The following SLC24A2 variants were observed in gnomAD, a reference collection of about 807,000 sequenced individuals.
SLC24A2 encodes the protein sodium/potassium/calcium exchanger 2.
In SLC24A2, 36 loss-of-function variants were observed where a neutral mutation model predicts 62.0. That is an observed-to-expected ratio of 0.58 (90% CI 0.44 to 0.77). The LOEUF is 0.77. Among genes scored for constraint, SLC24A2 ranks in the 30% least tolerant of loss-of-function variants. SLC24A2 has a pLI of 0.00. For synonymous variants in SLC24A2, 358 were observed against 294.0 expected, an observed-to-expected ratio of 1.22 and a Z score of -2.23; for missense variants, 846 against 817.9, an observed-to-expected ratio of 1.03 and a Z score of -0.42.
At chr9:19,526,266 G>T (rs573994247) in intron 9 of SLC24A2, among the ~76,000 whole-genome samples, 49 of 152,170 alleles carry the variant, frequency 3.2e-4, no homozygotes, top group African/African-American at 1.0e-3. Flanking sequence ...TGGACATTTG[G>T]GTTGTTTTCA....
chr9:19,543,960 G>A (rs369957264), intron 8 of SLC24A2, among the ~76,000 whole-genome samples: 20 of 152,184 alleles, frequency 1.3e-4, no homozygotes, highest in East Asian at 7.7e-4. Context: ...TTGTTCCAGC[G>A]CTGAGTTCAA....
At chr9:19,740,149 C>G (rs1391111973) in intron 2 of SLC24A2, among the ~76,000 whole-genome samples, 2 of 59,960 alleles carry the variant, frequency 3.3e-5, no homozygotes, top group Non-Finnish European at 6.4e-5. Flanking sequence ...ATAGTACAAC[C>G]ACTTTGAAAA....
the SLC24A2 span, among the ~76,000 whole-genome samples, chr9:19,955,534 T>C: frequency 1.3e-5 from 2 of 152,134 alleles, no homozygotes; most frequent in Non-Finnish European, 2.9e-5. Flanking sequence ...GCTACTTTTG[T>C]AGACAAGATA....
At chr9:19,698,247 T>C (rs1055514713) in intron 2 of SLC24A2, among the ~76,000 whole-genome samples, 17 of 152,164 alleles carry the variant, frequency 1.1e-4, no homozygotes, top group Non-Finnish European at 2.4e-4. Flanking sequence ...CTCAGTCAAA[T>C]TGCAGCCAAA....
the SLC24A2 span, among the ~76,000 whole-genome samples, chr9:20,249,036 G>T: frequency 6.6e-6 from 1 of 152,132 alleles, no homozygotes; most frequent in African/African-American, 2.4e-5. Context: ...TTATTCTCAA[G>T]ACAAAGACGA....
the SLC24A2 span, among the ~76,000 whole-genome samples, chr9:19,860,177 A>G: frequency 1.3e-5 from 2 of 152,264 alleles, no homozygotes; most frequent in African/African-American, 2.4e-5. Context: ...TCATGGCTCA[A>G]AAAGAGACCC....
intron 8 of SLC24A2, among the ~76,000 whole-genome samples, chr9:19,531,641 T>A (rs778197716): frequency 1.3e-5 from 2 of 152,070 alleles, no homozygotes; most frequent in Admixed American, 1.3e-4. Context: ...TCAACAAATA[T>A]TCACTCAGCA....
At chr9:19,541,447 C>T (rs189556352) in intron 8 of SLC24A2, among the ~76,000 whole-genome samples, 2,018 of 151,980 alleles carry the variant, frequency 0.013, 19 homozygotes, top group Non-Finnish European at 0.02. Context: ...AGCTGCAGGT[C>T]TGTTGGAATA....
the SLC24A2 span, among the ~76,000 whole-genome samples, chr9:19,951,361 G>T: frequency 1.3e-5 from 2 of 151,780 alleles, no homozygotes; most frequent in African/African-American, 4.8e-5. Context: ...TTTTTACAAA[G>T]TCCAACTTAC....
chr9:19,711,303 G>C (rs187369477), intron 2 of SLC24A2, among the ~76,000 whole-genome samples: 79 of 152,270 alleles, frequency 5.2e-4, no homozygotes, highest in African/African-American at 1.8e-3. Flanking sequence ...ATTTTCTTGA[G>C]CTTTAAATTA....
At chr9:20,137,261 A>T in the SLC24A2 span, among the ~76,000 whole-genome samples, 38 of 152,328 alleles carry the variant, frequency 2.5e-4, no homozygotes, top group Admixed American at 1.0e-3. Context: ...GGTATTTAAA[A>T]GATCACTTGC....
At chr9:19,663,336 C>A (rs531406824) in intron 2 of SLC24A2, among the ~76,000 whole-genome samples, 2 of 152,298 alleles carry the variant, frequency 1.3e-5, no homozygotes, top group Admixed American at 6.5e-5. Flanking sequence ...AGTTCTAGAG[C>A]AGAAGCCTTC....
the SLC24A2 span, among the ~76,000 whole-genome samples, chr9:20,297,487 G>T: frequency 1.3e-5 from 2 of 152,334 alleles, no homozygotes; most frequent in African/African-American, 4.8e-5. Flanking sequence ...CTGAAGAAGG[G>T]TTTGGCACGT....
chr9:19,707,603 C>T (rs1461299924), intron 2 of SLC24A2, among the ~76,000 whole-genome samples: 19 of 151,640 alleles, frequency 1.3e-4, no homozygotes, highest in Middle Eastern at 3.4e-3. Context: ...GTTCAACATA[C>T]GAAAATCAAT....
the SLC24A2 span, among the ~76,000 whole-genome samples, chr9:20,029,791 G>C: frequency 7.0e-4 from 106 of 152,222 alleles, 2 homozygotes; most frequent in Non-Finnish European, 1.6e-4. Flanking sequence ...ATACTAGCTA[G>C]AGTTCCTGGG....
upstream of SLC24A2, among the ~76,000 whole-genome samples, chr9:19,793,232 C>G (rs1241032812): frequency 6.6e-6 from 1 of 152,232 alleles, no homozygotes; most frequent in African/African-American, 2.4e-5. Context: ...TTTTGTTTCT[C>G]ACTTGTGCTA....
chr9:19,718,026 G>C (rs1820910359), intron 2 of SLC24A2, among the ~76,000 whole-genome samples: 2 of 150,320 alleles, frequency 1.3e-5, no homozygotes, highest in Admixed American at 1.3e-4. Flanking sequence ...GCCCAGGCTG[G>C]AGTGCAGTGG....
chr9:20,267,360 C>T, the SLC24A2 span, among the ~76,000 whole-genome samples: 3 of 152,236 alleles, frequency 2.0e-5, no homozygotes, highest in African/African-American at 7.2e-5. Context: ...ATGGCAATTG[C>T]TTACCCGGAT....
At chr9:20,180,791 C>T in the SLC24A2 span, among the ~76,000 whole-genome samples, 2 of 152,274 alleles carry the variant, frequency 1.3e-5, no homozygotes, top group African/African-American at 4.8e-5. Flanking sequence ...GATAATATTC[C>T]TTAACACAGA....
Sources: gnomAD v4.1 joint callset for allele counts (sites outside exome capture counted in the v4.1 genomes callset) on GRCh38, gnomAD v4.1.1 for gene constraint, MANE v1.5 for transcripts, NCBI Gene and HGNC (gene_info 2026-07-23, HGNC 2026-07-21) for gene names.